TGFBR3: variants seen among roughly 807,000 people sequenced by gnomAD.
TGFBR3 encodes the protein transforming growth factor beta receptor 3.
A neutral mutation model predicts 87.9 loss-of-function variants in TGFBR3; 46 were observed. That is an observed-to-expected ratio of 0.52 (90% confidence interval 0.41 to 0.67). TGFBR3 has a LOEUF of 0.67. TGFBR3 is among the 30% of genes least tolerant of loss of function. The pLI is 0.00. For synonymous variants in TGFBR3, 381 were observed against 391.6 expected (o/e 0.97, Z 0.32); for missense variants, 866 against 1,041.9 (o/e 0.83, Z 2.32).
At chr1:91,838,212 T>G (rs1677128496) in intron 2 of TGFBR3, among the ~76,000 whole-genome samples, 1 of 152,194 alleles carries the variant, frequency 6.6e-6, no homozygotes, top group African/African-American at 2.4e-5. Context: ...TGAAACTTTT[T>G]GTTGTTAGGA....
At chr1:91,723,906 C>A (rs1316686502) in intron 7 of TGFBR3, among the ~76,000 whole-genome samples, 1 of 152,192 alleles carries the variant, frequency 6.6e-6, no homozygotes, top group Non-Finnish European at 1.5e-5. Context: ...AATATTAATC[C>A]TTTCCCACTG....
At chr1:91,712,706 G>A (rs1252443477) in intron 12 of TGFBR3, among the ~76,000 whole-genome samples, 164 bp from the exon 13 acceptor site, 1 of 152,136 alleles carries the variant, frequency 6.6e-6, no homozygotes, top group Non-Finnish European at 1.5e-5. Flanking sequence ...CACACACATT[G>A]AAAGAAAAAG....
intron 2 of TGFBR3, among the ~76,000 whole-genome samples, chr1:91,836,479 G>A (rs938900459): frequency 5.9e-5 from 9 of 152,170 alleles, no homozygotes; most frequent in Admixed American, 2.6e-4. Flanking sequence ...AGTGGCAGCC[G>A]TGGGATATGC....
At chr1:91,848,881 AAG>A (rs1378741093) in intron 2 of TGFBR3, among the ~76,000 whole-genome samples, 1 of 152,104 alleles carries the variant, frequency 6.6e-6, no homozygotes, top group Admixed American at 6.5e-5. Context: ...TCACAACACA[AAG>A]AGATTTTCTT....
At chr1:91,795,957 C>T (rs951024889) in intron 3 of TGFBR3, among the ~76,000 whole-genome samples, 1 of 152,164 alleles carries the variant, frequency 6.6e-6, no homozygotes, top group Admixed American at 6.5e-5. Flanking sequence ...CTTAACATCT[C>T]GTGCTTCTCC....
At chr1:91,819,018 C>T (rs1000475972) in intron 2 of TGFBR3, among the ~76,000 whole-genome samples, 1 of 152,154 alleles carries the variant, frequency 6.6e-6, no homozygotes, top group Non-Finnish European at 1.5e-5. Context: ...AGGCTGTTCA[C>T]ACCTTCTTTG....
At chr1:91,717,387 G>A (rs1672211321) in intron 10 of TGFBR3, among the ~76,000 whole-genome samples, 1 of 152,208 alleles carries the variant, frequency 6.6e-6, no homozygotes, top group Non-Finnish European at 1.5e-5. Flanking sequence ...AAAAGAATAC[G>A]TTTTATTCCA....
intron 12 of TGFBR3, among the ~76,000 whole-genome samples, chr1:91,714,768 G>A (rs989972632): frequency 8.5e-5 from 13 of 152,314 alleles, no homozygotes; most frequent in Admixed American, 6.5e-4. Flanking sequence ...CTGCCCATGT[G>A]AACTGTACAG....
chr1:91,895,403 AT>A (rs1187818222), intron 2 of TGFBR3, among the ~76,000 whole-genome samples: 1 of 152,132 alleles, frequency 6.6e-6, no homozygotes, highest in Non-Finnish European at 1.5e-5. Context: ...CGAGAAGTAG[AT>A]GCCAGCTTTA....
chr1:91,848,747 T>C (rs571671416), intron 2 of TGFBR3, among the ~76,000 whole-genome samples: 1 of 152,254 alleles, frequency 6.6e-6, no homozygotes, highest in East Asian at 1.9e-4. Flanking sequence ...CCCTCAAAAC[T>C]CATGATCCTG....
At chr1:91,833,300 A>AC in intron 2 of TGFBR3, among the ~76,000 whole-genome samples, 1 of 141,118 alleles carries the variant, frequency 7.1e-6, no homozygotes, top group African/African-American at 2.6e-5. Flanking sequence ...CGACTCAAAA[A>AC]AAAAAAAAAA....
At chr1:91,727,612 G>T in intron 7 of TGFBR3, 47 bp downstream of exon 7, 1 of 1,608,852 alleles carries the variant, frequency 6.2e-7, no homozygotes, top group South Asian at 1.1e-5. Context: ...AGCTTAAATT[G>T]TTGTCATTTA....
intron 1 of TGFBR3, among the ~76,000 whole-genome samples, chr1:91,877,076 C>T (rs1024989812): frequency 5.9e-5 from 9 of 151,978 alleles, no homozygotes; most frequent in Non-Finnish European, 1.0e-4. Context: ...TTTTGCAAAC[C>T]TCTTACCTAT....
chr1:91,734,921 G>C lies in TGFBR3; in HGVS notation c.423C>G (p.Asn141Lys). 1 of 1,614,218 alleles carries C rather than the reference G, an allele frequency of 6.2e-7. No individual in the cohort carries two copies. Among genetic ancestry groups the C allele is most frequent in the Non-Finnish European group, 8.5e-7 (1 of 1,180,014 alleles). The change falls in exon 5 of 17, where the codon AAC becomes AAG. Residue 141 changes from asparagine (N) to lysine (K), a missense_variant. Physicochemically the swap from Asn to Lys is moderately conservative, Grantham distance 94 (BLOSUM62 0). Transcript: ENST00000212355. ...CTTCTGTTTCTGCTGTCAAGGAGAA[G>C]TTTGCTGATGAAAACTGGACCACAG... ...EGSVVQFSSA[N>K]FSLTAETEER...
intron 3 of TGFBR3, among the ~76,000 whole-genome samples, chr1:91,790,512 G>A (rs140972755): frequency 1.5e-4 from 23 of 152,246 alleles, no homozygotes; most frequent in Non-Finnish European, 3.1e-4. Context: ...CCATTTCAGA[G>A]GTAATCTTCC....
chr1:91,800,160 G>A (rs1232269252), intron 2 of TGFBR3, among the ~76,000 whole-genome samples: 1 of 150,854 alleles, frequency 6.6e-6, no homozygotes, highest in African/African-American at 2.4e-5. Context: ...GGAAGGCCAA[G>A]GCAGGTGGAT....
In TGFBR3 at chr1:91,801,302, C is replaced by T. The variant is rs139828842; in HGVS notation, c.62-3831G>A. On this transcript the variant is annotated intron_variant, in intron 2 of 16. Transcript: ENST00000212355. ...GACTTGGCCCTCCTTGCGGCTCTCT[C>T]TCTCAGGAGGCAGGGTCCTGAAGTG... Among the ~76,000 whole-genome samples, 1,204 of 152,278 alleles carry T rather than the reference C, an allele frequency of 7.9e-3. 17 individuals carry two copies. The highest frequency in any genetic ancestry group is 0.027 in the African/African-American group (1,132 of 41,554).
intron 2 of TGFBR3, among the ~76,000 whole-genome samples, chr1:91,856,523 C>T (rs1486764496): frequency 7.9e-5 from 12 of 152,122 alleles, no homozygotes; most frequent in Non-Finnish European, 1.3e-4. Context: ...CTGGAACAAG[C>T]AGGCTCCTAT....
intron 2 of TGFBR3, among the ~76,000 whole-genome samples, chr1:91,852,140 T>G (rs903181942): frequency 3.3e-5 from 5 of 151,898 alleles, no homozygotes; most frequent in African/African-American, 4.8e-5. Flanking sequence ...TTCCAGCTAC[T>G]CAAGAGGCTG....
Sources: gnomAD v4.1 joint callset for allele counts (sites outside exome capture counted in the v4.1 genomes callset) on GRCh38, gnomAD v4.1.1 for gene constraint, MANE v1.5 for transcripts, NCBI Gene and HGNC (gene_info 2026-07-23, HGNC 2026-07-21) for gene names.